The following EPC2 variants were observed in gnomAD, a reference collection of about 807,000 sequenced individuals.
The protein encoded by EPC2 is enhancer of polycomb homolog 2.
EPC2 carries 14 observed loss-of-function variants against 92.1 expected under a neutral mutation model. The observed-to-expected ratio is 0.15, with a 90% CI of 0.10 to 0.24. The LOEUF (loss-of-function observed/expected upper bound fraction) is 0.24, where lower values mean the gene tolerates loss of function less well. Ranked by LOEUF, EPC2 falls within the 10% of genes least tolerant of loss-of-function variation. The pLI, the probability that EPC2 is intolerant of heterozygous loss-of-function variation, is 1.00. For missense variants in EPC2, 755 were observed against 971.5 expected (o/e 0.78, Z 2.96); for synonymous variants, 340 against 334.7 (o/e 1.02, Z -0.17).
chr2:148,716,690 G>A (rs1242727051), intron 2 of EPC2, among the ~76,000 whole-genome samples: 1 of 152,092 alleles, frequency 6.6e-6, no homozygotes, highest in African/African-American at 2.4e-5. Flanking sequence ...AAAGATGTTG[G>A]CCTGAAGTTT....
intron 2 of EPC2, among the ~76,000 whole-genome samples, chr2:148,736,691 A>C (rs1021489933): frequency 6.6e-6 from 1 of 152,062 alleles, no homozygotes; most frequent in Non-Finnish European, 1.5e-5. Context: ...CTTTTTTTCC[A>C]CACTTACTTT....
chr2:148,729,196 T>C (rs867631371), intron 2 of EPC2, among the ~76,000 whole-genome samples: 1 of 152,196 alleles, frequency 6.6e-6, no homozygotes, highest in African/African-American at 2.4e-5. Context: ...GTAGGAGTTA[T>C]ACCATTTTGT....
intron 2 of EPC2, among the ~76,000 whole-genome samples, chr2:148,710,919 T>G (rs1682126576): frequency 6.6e-6 from 1 of 152,084 alleles, no homozygotes; most frequent in South Asian, 2.1e-4. Context: ...ATATACCTCC[T>G]GTATGCACGC....
In EPC2 at chr2:148,645,223, G is replaced by C. The variant is rs957627492; in HGVS notation, c.153+53G>C. 4.3e-5 allele frequency: 63 copies of C among 1,452,764 alleles called. No homozygotes were observed. In the African/African-American group the frequency reaches 8.7e-4, roughly 20 times the overall value. 90.0% of individuals were successfully genotyped at this position (1,452,764 alleles called of 1,614,324 possible). ...CCTTCCCTCCTCCCCCCTCCCCTTT[G>C]TCAGTCGGGCCTCGCCATTCACAGA... On this transcript the variant is annotated intron_variant, in intron 1 of 13. Coordinates refer to ENST00000258484, the MANE Select transcript of EPC2 (RefSeq NM_015630.4).
intron 2 of EPC2, among the ~76,000 whole-genome samples, chr2:148,700,091 A>C (rs1349371973): frequency 2.0e-5 from 3 of 151,700 alleles, no homozygotes; most frequent in African/African-American, 7.3e-5. Context: ...TTTATTGTTG[A>C]GTTTTAAGTG....
chr2:148,738,428 T>C (rs189917218), intron 2 of EPC2, among the ~76,000 whole-genome samples: 1 of 152,348 alleles, frequency 6.6e-6, no homozygotes, highest in Admixed American at 6.5e-5. Context: ...CATAAAGAGT[T>C]CTAAATTCAC....
chr2:148,654,036 C>G (rs1247543662), intron 1 of EPC2, among the ~76,000 whole-genome samples: 1 of 151,274 alleles, frequency 6.6e-6, no homozygotes, highest in African/African-American at 2.4e-5. Flanking sequence ...CAACCTCTGC[C>G]TCCCTGGTTC....
At chr2:148,656,083 G>A (rs1483414984) in intron 1 of EPC2, among the ~76,000 whole-genome samples, 2 of 146,892 alleles carry the variant, frequency 1.4e-5, no homozygotes, top group Non-Finnish European at 3.0e-5. Context: ...ACTCGGTAAA[G>A]TAACCAAGTA....
At chr2:148,652,784 A>G (rs1167827545) in intron 1 of EPC2, among the ~76,000 whole-genome samples, 1 of 152,194 alleles carries the variant, frequency 6.6e-6, no homozygotes, top group Non-Finnish European at 1.5e-5. Flanking sequence ...AGGATCGATT[A>G]TATTCGTCCT....
intron 2 of EPC2, among the ~76,000 whole-genome samples, chr2:148,711,926 T>A (rs1419291725): frequency 1.3e-5 from 2 of 152,204 alleles, no homozygotes. Context: ...GGTGTAAGCA[T>A]GGTGTATCTT....
intron 2 of EPC2, among the ~76,000 whole-genome samples, chr2:148,706,487 A>G (rs1444294180): frequency 6.6e-6 from 1 of 152,200 alleles, no homozygotes; most frequent in African/African-American, 2.4e-5. Context: ...AATTCAGGAA[A>G]TACAGAGAAC....
At chr2:148,665,645 T>C (rs1468118368) in intron 1 of EPC2, among the ~76,000 whole-genome samples, 1 of 152,212 alleles carries the variant, frequency 6.6e-6, no homozygotes, top group Non-Finnish European at 1.5e-5. Context: ...TTATGATGTT[T>C]AGGATAACAG....
chr2:148,771,433 C>G, intron 10 of EPC2, 46 bp downstream of exon 10: 1 of 1,463,904 alleles, frequency 6.8e-7, no homozygotes, highest in African/African-American at 1.4e-5. Context: ...TTCTTTTTTA[C>G]TTAATTTTAT....
chr2:148,689,399 C>T (rs1227810191), intron 1 of EPC2, among the ~76,000 whole-genome samples: 3 of 152,000 alleles, frequency 2.0e-5, no homozygotes, highest in Non-Finnish European at 4.4e-5. Context: ...AGGATGGTTT[C>T]GATCTCCTGA....
intron 2 of EPC2, 116 bp downstream of exon 2, chr2:148,690,489 A>G (rs77938944): frequency 3.2e-5 from 30 of 929,662 alleles, no homozygotes; most frequent in African/African-American, 1.0e-4. Context: ...TGATTAATAG[A>G]TATGTTAAAC....
intron 2 of EPC2, among the ~76,000 whole-genome samples, chr2:148,704,914 T>C (rs1314355367): frequency 6.6e-6 from 1 of 151,892 alleles, no homozygotes; most frequent in Non-Finnish European, 1.5e-5. Context: ...TTTTCTTTTT[T>C]TTTTTTCTAA....
At chr2:148,751,928 A>G (rs1482208930) in intron 3 of EPC2, among the ~76,000 whole-genome samples, 1 of 152,216 alleles carries the variant, frequency 6.6e-6, no homozygotes, top group East Asian at 1.9e-4. Flanking sequence ...CTGGAAAGAA[A>G]TATCAGAATG....
chr2:148,704,260 G>A (rs931929840), intron 2 of EPC2, among the ~76,000 whole-genome samples: 2 of 152,182 alleles, frequency 1.3e-5, no homozygotes, highest in Non-Finnish European at 2.9e-5. Context: ...GATGAAACCT[G>A]AGACATTGGC....
In EPC2 at chr2:148,755,458, C is replaced by G. The variant is rs532103875; in HGVS notation, c.666+1325C>G. On this transcript the variant is annotated intron_variant, in intron 4 of 13. Coordinates refer to ENST00000258484, the MANE Select transcript of EPC2 (RefSeq NM_015630.4). ...AAGTAGGGAAGGGTTCATTTTCAAC[C>G]CTTAAATATGTCATATATATGTTGC... is the stretch of plus-strand genomic sequence containing the variant. 2.0e-5 allele frequency among the ~76,000 whole-genome samples: 3 copies of G among 152,008 alleles called. No individual in the cohort carries two copies. The East Asian group carries it at 5.8e-4, about 29-fold the overall frequency.
Sources: allele counts gnomAD v4.1 joint callset (sites outside exome capture counted in the v4.1 genomes callset), GRCh38; gene constraint gnomAD v4.1.1; transcripts MANE v1.5; gene names NCBI Gene and HGNC (gene_info 2026-07-23, HGNC 2026-07-21).